Variants in YARS1 observed in about 807,000 individuals in gnomAD.
YARS1 encodes the protein tyrosyl-tRNA synthetase 1.
YARS1 carries 36 observed loss-of-function variants against 62.2 expected under a neutral mutation model. That is an observed-to-expected ratio of 0.58 (90% CI 0.44 to 0.76). The LOEUF is 0.76. YARS1 is among the 30% of genes least tolerant of loss of function. The pLI is 0.00. For missense variants in YARS1, 524 were observed against 639.8 expected (o/e 0.82, Z 1.95); for synonymous variants, 234 against 244.9 (o/e 0.96, Z 0.42).
chr1:32,813,389 G>A (rs557660163), intron 1 of YARS1, among the ~76,000 whole-genome samples: 5 of 152,318 alleles, frequency 3.3e-5, no homozygotes, highest in Admixed American at 6.5e-5. Flanking sequence ...TGTGATCTCC[G>A]CTTACTGCAA....
At chr1:32,793,327 T>C (rs1036611522) in intron 5 of YARS1, among the ~76,000 whole-genome samples, 1 of 152,088 alleles carries the variant, frequency 6.6e-6, no homozygotes, top group African/African-American at 2.4e-5. Flanking sequence ...GCAGGATAAA[T>C]ACAAAGAAAA....
chr1:32,816,965 G>A, intron 1 of YARS1: 2 of 619,704 alleles, frequency 3.2e-6, no homozygotes, highest in Non-Finnish European at 5.7e-6. Flanking sequence ...TCCAACACAA[G>A]ACAACTGGAC....
At chr1:32,811,293 C>T (rs1489682483) in intron 1 of YARS1, 1 of 597,168 alleles carries the variant, frequency 1.7e-6, no homozygotes, top group East Asian at 3.2e-5. Context: ...ACTTGTAGCC[C>T]CTTGCAGCCT....
intron 3 of YARS1, among the ~76,000 whole-genome samples, chr1:32,809,694 A>C (rs1028519773): frequency 2.0e-5 from 3 of 152,248 alleles, no homozygotes; most frequent in Non-Finnish European, 4.4e-5. Context: ...GGAAAGTTAA[A>C]TCTGAATTAA....
At chr1:32,792,608 A>G (rs1273388371) in intron 5 of YARS1, among the ~76,000 whole-genome samples, 1 of 152,202 alleles carries the variant, frequency 6.6e-6, no homozygotes, top group Non-Finnish European at 1.5e-5. Context: ...TAAAGAAAAT[A>G]AGCAGGGCAT....
At chr1:32,804,639 G>A (rs1010402189) in intron 4 of YARS1, among the ~76,000 whole-genome samples, 8 of 151,350 alleles carry the variant, frequency 5.3e-5, no homozygotes, top group African/African-American at 2.4e-5. Flanking sequence ...CAGACGGGGC[G>A]GCGGGGCAGA....
At chr1:32,797,381 A>G (rs115286838) in intron 5 of YARS1, among the ~76,000 whole-genome samples, 236 of 152,226 alleles carry the variant, frequency 1.6e-3, no homozygotes, top group African/African-American at 5.3e-3. Context: ...CAAAAAAAAG[A>G]CAAGAAAAAG....
Position 32,775,874 on chromosome 1 carries a change from C to A in YARS1, c.*107G>T. On this transcript the variant is annotated 3_prime_UTR_variant, in exon 13 of 13. Coordinates refer to ENST00000373477, the MANE Select transcript of YARS1 (RefSeq NM_003680.4). ...CTGCACCGAATAAAGAGTCCAAACC[C>A]GCTGCTTCCGTGTCCTGAGAGATGG... 1.9e-6 allele frequency: 2 copies of A among 1,071,508 alleles called. No homozygotes were observed. Among genetic ancestry groups the A allele is most frequent in the East Asian group, 2.5e-5 (1 of 39,808 alleles). The allele number at this position is 1,071,508 out of a possible 1,614,324, so 66.4% of individuals were successfully genotyped here. A position where few individuals can be genotyped will look rare whatever the true frequency, so the allele number is the denominator to read the frequency against.
At position 32,795,002 on chromosome 1, in the gene YARS1, C is replaced by CAAAAA. The variant is rs71278770; in HGVS notation, c.591+2756_591+2760dup. Among the ~76,000 whole-genome samples, 3 of 22,864 alleles carry CAAAAA rather than the reference C, an allele frequency of 1.3e-4. 1 individual carries two copies. In the Admixed American group the frequency reaches 1.6e-3, roughly 12 times the overall value. 15.0% of individuals were successfully genotyped at this position (22,864 alleles called of 152,430 possible). ...CTGGTGACAGAGCAAGACTCTGTCT[C>CAAAAA]AAAAAAAAAAAAAAAAAAAAAAAAA... On this transcript the variant is annotated intron_variant, in intron 5 of 12. Transcript: ENST00000373477.
chr1:32,803,338 G>C (rs1359414118), intron 4 of YARS1, among the ~76,000 whole-genome samples: 2 of 148,542 alleles, frequency 1.3e-5, no homozygotes, highest in African/African-American at 2.5e-5. Context: ...CACCATGTTG[G>C]TCAGGCTGGT....
intron 6 of YARS1, among the ~76,000 whole-genome samples, chr1:32,790,050 A>C (rs1349627699): frequency 1.3e-5 from 2 of 148,406 alleles, no homozygotes; most frequent in Middle Eastern, 3.4e-3. Flanking sequence ...CGACTGGCTA[A>C]TTTTTGTACT....
chr1:32,794,210 C>T (rs1372559032), intron 5 of YARS1, among the ~76,000 whole-genome samples: 4 of 151,908 alleles, frequency 2.6e-5, no homozygotes, highest in East Asian at 3.9e-4. Context: ...ATTAGCCGGG[C>T]GTGGTGGCGG....
chr1:32,804,453 GGA>G (rs1638396120), intron 4 of YARS1, among the ~76,000 whole-genome samples: 1 of 150,242 alleles, frequency 6.7e-6, no homozygotes, highest in African/African-American at 2.5e-5. Context: ...GCTGCCGGGC[GGA>G]GACGCTCCTC....
chr1:32,797,507 G>A (rs1653644457), intron 5 of YARS1: 1 of 553,696 alleles, frequency 1.8e-6, no homozygotes. Context: ...AACAGGTGCG[G>A]GAGCAGCTTC....
At chr1:32,797,682 G>C in intron 5 of YARS1, 81 bp downstream of exon 5, 1 of 1,166,440 alleles carries the variant, frequency 8.6e-7, no homozygotes, top group Non-Finnish European at 1.3e-6. Flanking sequence ...TGACTAGTGG[G>C]ACTGACACAT....
intron 12 of YARS1, among the ~76,000 whole-genome samples, chr1:32,779,034 C>CT (rs1652968698): frequency 6.6e-6 from 1 of 152,154 alleles, no homozygotes; most frequent in Non-Finnish European, 1.5e-5. Flanking sequence ...GACACCATGC[C>CT]TGGCCCTGCC....
intron 12 of YARS1, among the ~76,000 whole-genome samples, chr1:32,777,736 GGT>G (rs1174797363): frequency 1.3e-5 from 2 of 152,170 alleles, no homozygotes; most frequent in East Asian, 3.9e-4. Context: ...ACAGGCTTGA[GGT>G]TACAGGGAGC....
At chr1:32,805,607 G>A (rs1025351199) in intron 4 of YARS1, among the ~76,000 whole-genome samples, 3 of 152,178 alleles carry the variant, frequency 2.0e-5, no homozygotes, top group African/African-American at 7.2e-5. Flanking sequence ...CTTTCCGCCT[G>A]CCTCCGCTTT....
chr1:32,808,956 G>A (rs1469174757), intron 3 of YARS1, among the ~76,000 whole-genome samples: 1 of 152,196 alleles, frequency 6.6e-6, no homozygotes, highest in Non-Finnish European at 1.5e-5. Context: ...ATCTAGAACA[G>A]TGCTTATCAT....
Sources: gnomAD v4.1 joint callset for allele counts (sites outside exome capture counted in the v4.1 genomes callset) on GRCh38, gnomAD v4.1.1 for gene constraint, MANE v1.5 for transcripts, NCBI Gene and HGNC (gene_info 2026-07-23, HGNC 2026-07-21) for gene names.